Variants in TIPARP observed in about 807,000 individuals in gnomAD.
TIPARP encodes TCDD inducible poly(ADP-ribose) polymerase.
In TIPARP, 12 loss-of-function variants were observed where a neutral mutation model predicts 56.5. That is an observed-to-expected ratio of 0.21 (90% CI 0.14 to 0.34). TIPARP has a LOEUF of 0.34. Ranked by LOEUF, TIPARP falls within the 10% of genes least tolerant of loss-of-function variation. The pLI, the probability that TIPARP is intolerant of heterozygous loss-of-function variation, is 1.00. For synonymous variants in TIPARP, 296 were observed against 265.7 expected (o/e 1.11, Z -1.11); for missense variants, 604 against 781.6 (o/e 0.77, Z 2.71).
chr3:156,677,728 G>C lies in TIPARP; in HGVS notation c.31G>C (p.Asp11His), dbSNP rs774941696. The change falls in exon 2 of 6, where the codon GAC becomes CAC. Residue 11 changes from aspartate to histidine, a missense_variant. Around this residue, in one of 4 missense-constraint regions of TIPARP, gnomAD observed 261 missense variants for 279.2 expected, o/e 0.93. Coordinates refer to ENST00000295924, the MANE Select transcript of TIPARP (RefSeq NM_015508.5). MEMETTEPEPDCVVQPPSPPD... is the reference protein window; with the variant it reads MEMETTEPEPHCVVQPPSPPD... ...AATGGAAACCACCGAACCTGAGCCAGACTGTGTAGTGCAGCCTCCCTCTCC... is the reference window on the plus strand; with the variant it reads ...AATGGAAACCACCGAACCTGAGCCACACTGTGTAGTGCAGCCTCCCTCTCC... The C allele has an allele frequency of 9.9e-6, 16 of 1,608,936 alleles. No individual in the cohort carries two copies. The highest frequency in any genetic ancestry group is 1.4e-5 in the Non-Finnish European group (16 of 1,178,286).
At chr3:156,701,561 G>T (rs1397943655) in intron 4 of TIPARP, among the ~76,000 whole-genome samples, 2 of 152,158 alleles carry the variant, frequency 1.3e-5, no homozygotes, top group South Asian at 2.1e-4. Context: ...TATATTCTTT[G>T]CTTCCCCGCC....
At chr3:156,703,298 C>A in intron 4 of TIPARP, 126 bp from the exon 5 acceptor site, 1 of 1,010,634 alleles carries the variant, frequency 9.9e-7, no homozygotes, top group Non-Finnish European at 1.4e-6. Context: ...GCATTTTTTA[C>A]TTTTAAAATA....
intron 2 of TIPARP, among the ~76,000 whole-genome samples, chr3:156,692,296 A>G (rs974745293): frequency 6.6e-6 from 1 of 152,154 alleles, no homozygotes; most frequent in Non-Finnish European, 1.5e-5. Flanking sequence ...AGGCAACTTG[A>G]TATGAAGTTT....
At chr3:156,681,152 C>G (rs746797971) in intron 2 of TIPARP, 1 of 456,626 alleles carries the variant, frequency 2.2e-6, no homozygotes, top group African/African-American at 2.0e-5. Flanking sequence ...CATGTTGAGC[C>G]TTGCTGAGAG....
At chr3:156,675,228 C>T (rs1217149599) in intron 1 of TIPARP, 1 of 152,228 alleles carries the variant, frequency 6.6e-6, no homozygotes, top group Non-Finnish European at 1.5e-5. Flanking sequence ...CCCCGCGTTT[C>T]GGGCTGCAGC....
At chr3:156,690,205 T>A (rs1340053834) in intron 2 of TIPARP, among the ~76,000 whole-genome samples, 1 of 152,186 alleles carries the variant, frequency 6.6e-6, no homozygotes, top group Non-Finnish European at 1.5e-5. Context: ...AAAGAAGTCG[T>A]GTTCTTACTA....
intron 3 of TIPARP, 147 bp downstream of exon 3, chr3:156,694,335 T>C: frequency 1.5e-6 from 1 of 663,094 alleles, no homozygotes; most frequent in Non-Finnish European, 2.2e-6. Flanking sequence ...GTCTCATTGA[T>C]ACAAGAAAAC....
At chr3:156,688,556 A>G (rs1025020158) in intron 2 of TIPARP, among the ~76,000 whole-genome samples, 4 of 151,836 alleles carry the variant, frequency 2.6e-5, no homozygotes, top group African/African-American at 9.7e-5. Context: ...TAGCAACAGA[A>G]TAAACAATAG....
At chr3:156,702,936 G>C (rs748647084) in intron 4 of TIPARP, among the ~76,000 whole-genome samples, 3 of 152,138 alleles carry the variant, frequency 2.0e-5, no homozygotes, top group Non-Finnish European at 4.4e-5. Flanking sequence ...CATGATTTTT[G>C]TTTGTTTTTA....
chr3:156,703,604 C>G lies in TIPARP; in HGVS notation c.1428C>G (p.Ile476Met). Reference protein sequence around the residue: ...PVSAEDKSYRIIYNLFHKTVP... With the variant: ...PVSAEDKSYRMIYNLFHKTVP... ...CTGCAGAGGATAAAAGTTATCGGAT[C>G]ATTTACAATCTTTTTCATAAGACTG... Residue 476 changes from isoleucine (I) to methionine (M), a missense_variant, in exon 5 of 6, where the codon ATC becomes ATG. Physicochemically the swap from Ile to Met is conservative, Grantham distance 10. Transcript: ENST00000295924. The G allele has an allele frequency of 6.2e-7, 1 of 1,614,194 alleles. No individual in the cohort carries two copies. The highest frequency in any genetic ancestry group is 8.5e-7 in the Non-Finnish European group (1 of 1,180,034).
chr3:156,696,682 A>G (rs1722721751), intron 4 of TIPARP, among the ~76,000 whole-genome samples: 1 of 152,226 alleles, frequency 6.6e-6, no homozygotes, highest in Admixed American at 6.5e-5. Flanking sequence ...CCAGTGGCAC[A>G]TCTTTATAGA....
At chr3:156,680,998 T>C (rs1249036823) in intron 2 of TIPARP, among the ~76,000 whole-genome samples, 2 of 152,222 alleles carry the variant, frequency 1.3e-5, no homozygotes, top group Non-Finnish European at 2.9e-5. Flanking sequence ...CTCTGAAGAT[T>C]ACAGGAAGAA....
intron 1 of TIPARP, chr3:156,675,651 G>A (rs1445521378): frequency 6.6e-6 from 1 of 152,288 alleles, no homozygotes; most frequent in Admixed American, 6.5e-5. Flanking sequence ...GCGGCCAACA[G>A]GAGGCGTCAC....
At position 156,704,808 on chromosome 3, in the gene TIPARP, G is replaced by A; in HGVS notation, c.1651G>A (p.Val551Ile). Residue 551 changes from valine to isoleucine, a missense_variant, in exon 6 of 6, where the codon GTC becomes ATC. Val to Ile is a conservative substitution (Grantham distance 29, BLOSUM62 3). This residue lies in a region of TIPARP where 77 missense variants were observed against 161.0 expected (regional missense o/e 0.48). Transcript: ENST00000295924. ...GICKHNFDPRVCGKHATMFGQ... is the reference protein window; with the variant it reads ...GICKHNFDPRICGKHATMFGQ... ...CTGCAAACACAACTTTGACCCTCGA[G>A]TCTGTGGAAAGCATGCTACAATGTT... The A allele has an allele frequency of 1.2e-6, 2 of 1,614,228 alleles. No individual in the cohort carries two copies. The highest frequency in any genetic ancestry group is 1.7e-6 in the Non-Finnish European group (2 of 1,180,052).
chr3:156,675,560 C>G (rs777488542), intron 1 of TIPARP: 4 of 152,552 alleles, frequency 2.6e-5, no homozygotes, highest in African/African-American at 4.8e-5. Flanking sequence ...CGGGAACACC[C>G]GGAATTGCAG....
At chr3:156,686,756 T>C (rs2108490512) in intron 2 of TIPARP, among the ~76,000 whole-genome samples, 1 of 152,280 alleles carries the variant, frequency 6.6e-6, no homozygotes. Flanking sequence ...GAAAATATTT[T>C]TATGATAACT....
chr3:156,704,566 C>G (rs1722932702), intron 5 of TIPARP, 118 bp from the exon 6 acceptor site: 1 of 1,006,108 alleles, frequency 9.9e-7, no homozygotes, highest in Non-Finnish European at 1.5e-6. Flanking sequence ...TCTTTGATGG[C>G]ATTTTGCCCT....
chr3:156,692,299 T>C (rs75246779), intron 2 of TIPARP, among the ~76,000 whole-genome samples: 8,318 of 152,224 alleles, frequency 0.055, 282 homozygotes, highest in South Asian at 0.17. Flanking sequence ...CAACTTGATA[T>C]GAAGTTTAAT....
intron 2 of TIPARP, among the ~76,000 whole-genome samples, chr3:156,683,391 A>G (rs1399522386): frequency 6.6e-6 from 1 of 152,200 alleles, no homozygotes; most frequent in Middle Eastern, 3.2e-3. Context: ...GAATATTTGC[A>G]TAGTACCCCA....
Sources: gnomAD v4.1 joint callset for allele counts (sites outside exome capture counted in the v4.1 genomes callset) on GRCh38, gnomAD v4.1.1 for gene constraint, gnomAD v4.1.1 regional missense constraint, MANE v1.5 for transcripts, NCBI Gene and HGNC (gene_info 2026-07-23, HGNC 2026-07-21) for gene names.